The following RBFOX1 variants were observed in gnomAD, a reference collection of about 807,000 sequenced individuals.
RBFOX1 encodes RNA binding protein fox-1 homolog 1.
In RBFOX1, 8 loss-of-function variants were observed where a neutral mutation model predicts 57.7. The observed-to-expected ratio is 0.14, with a 90% confidence interval of 0.08 to 0.25. The LOEUF (loss-of-function observed/expected upper bound fraction) is 0.25, where lower values mean the gene tolerates loss of function less well. RBFOX1 is among the 10% of genes least tolerant of loss of function. RBFOX1 has a pLI of 1.00. For synonymous variants in RBFOX1, 326 were observed against 222.4 expected, an observed-to-expected ratio of 1.47 and a Z score of -4.15; for missense variants, 611 against 548.5, an observed-to-expected ratio of 1.11 and a Z score of -1.14.
At chr16:6,349,182 A>G (rs1401226886) in intron 2 of RBFOX1, among the ~76,000 whole-genome samples, 1 of 152,186 alleles carries the variant, frequency 6.6e-6, no homozygotes, top group East Asian at 1.9e-4. Flanking sequence ...AATTTTAGAC[A>G]GGTTTAGAGC....
At chr16:7,048,573 A>G (rs1440001421) in intron 3 of RBFOX1, among the ~76,000 whole-genome samples, 2 of 151,878 alleles carry the variant, frequency 1.3e-5, no homozygotes, top group African/African-American at 4.8e-5. Flanking sequence ...TTGGTTCTTT[A>G]TTATCTTTTG....
intron 4 of RBFOX1, among the ~76,000 whole-genome samples, chr16:5,989,910 C>A (rs1041309026): frequency 1.5e-5 from 2 of 137,246 alleles, no homozygotes; most frequent in Non-Finnish European, 3.2e-5. Flanking sequence ...GGAGTAACCA[C>A]CCAGGTTGGT....
Position 7,120,532 on chromosome 16 carries a change from A to T in RBFOX1, c.27+68434A>T, listed in dbSNP as rs367954380. On this transcript the variant is annotated intron_variant, in intron 4 of 15. Coordinates refer to ENST00000550418, the MANE Select transcript of RBFOX1 (RefSeq NM_018723.4). The stretch of plus-strand genomic sequence containing the variant: ...TCTATGCACATGTAGTCAACAACTT[A>T]CATGAAATAGACTAATTCCTTGACA... 2.0e-5 allele frequency among the ~76,000 whole-genome samples: 3 copies of T among 152,082 alleles called. No individual in the cohort carries two copies. The South Asian group carries it at 6.2e-4, about 31-fold the overall frequency.
At chr16:6,458,162 G>A (rs559483798) in intron 2 of RBFOX1, among the ~76,000 whole-genome samples, 1 of 152,134 alleles carries the variant, frequency 6.6e-6, no homozygotes, top group Non-Finnish European at 1.5e-5. Context: ...GTGCAAACAC[G>A]GCCCCTCCCT....
At chr16:7,456,184 G>T (rs776609218) in intron 4 of RBFOX1, among the ~76,000 whole-genome samples, 2 of 152,196 alleles carry the variant, frequency 1.3e-5, no homozygotes, top group Non-Finnish European at 2.9e-5. Context: ...GCTCTGTGGA[G>T]GGTTGATGTA....
chr16:5,990,013 C>T (rs2060364007), intron 4 of RBFOX1, among the ~76,000 whole-genome samples: 1 of 152,140 alleles, frequency 6.6e-6, no homozygotes, highest in East Asian at 1.9e-4. Flanking sequence ...TGGTTAGAGA[C>T]TGGGTCTCCC....
At chr16:7,089,221 A>C (rs541019024) in intron 4 of RBFOX1, among the ~76,000 whole-genome samples, 15 of 152,310 alleles carry the variant, frequency 9.8e-5, no homozygotes, top group Admixed American at 6.5e-4. Flanking sequence ...TTTCAGGGCA[A>C]GTTTTCTCTT....
intron 2 of RBFOX1, among the ~76,000 whole-genome samples, chr16:6,480,282 A>T (rs974086686): frequency 1.3e-5 from 2 of 152,220 alleles, no homozygotes; most frequent in Non-Finnish European, 2.9e-5. Context: ...AAAACAAGTT[A>T]TATGTATACA....
chr16:7,000,596 CTTTT>C (rs759103545), intron 3 of RBFOX1, among the ~76,000 whole-genome samples: 29 of 92,566 alleles, frequency 3.1e-4, no homozygotes, highest in Middle Eastern at 7.7e-3. Flanking sequence ...CTTTTTCTTT[CTTTT>C]TTTTTTTTTT....
At chr16:6,595,609 T>G (rs6500802) in intron 2 of RBFOX1, among the ~76,000 whole-genome samples, 128,841 of 152,118 alleles carry the variant, frequency 0.85, 55,623 homozygotes, top group Non-Finnish European at 0.94. Flanking sequence ...TGGACTCTAT[T>G]TTTAACATTT....
chr16:5,747,360 C>T (rs1283889791), intron 3 of RBFOX1, among the ~76,000 whole-genome samples: 8 of 152,154 alleles, frequency 5.3e-5, no homozygotes, highest in Non-Finnish European at 1.5e-5. Context: ...TTTGTTGTGT[C>T]TCTGCCAGGC....
chr16:7,447,099 A>G (rs151247785), intron 4 of RBFOX1, among the ~76,000 whole-genome samples: 118 of 152,090 alleles, frequency 7.8e-4, no homozygotes, highest in African/African-American at 2.7e-3. Flanking sequence ...GGCGTGAGCC[A>G]CTGTCCTCGG....
intron 3 of RBFOX1, among the ~76,000 whole-genome samples, chr16:7,011,401 G>T (rs1303019898): frequency 2.6e-5 from 4 of 152,178 alleles, no homozygotes; most frequent in African/African-American, 7.2e-5. Context: ...GAAACCAGGC[G>T]GGCTGTTTGT....
At chr16:7,003,198 C>G (rs11864226) in intron 3 of RBFOX1, among the ~76,000 whole-genome samples, 1 of 152,018 alleles carries the variant, frequency 6.6e-6, no homozygotes, top group African/African-American at 2.4e-5. Context: ...CGGTGGCTCA[C>G]GCCTGTAATC....
intron 3 of RBFOX1, among the ~76,000 whole-genome samples, chr16:5,826,261 C>G (rs1022938760): frequency 2.6e-5 from 4 of 151,802 alleles, no homozygotes; most frequent in Non-Finnish European, 4.4e-5. Context: ...CACTTTTTAT[C>G]TAACATTTAC....
In RBFOX1 at chr16:6,757,472, A is replaced by G. The variant is rs752539969; in HGVS notation, c.-16+102822A>G. Reference sequence around the variant, plus strand: ...GAATACTATTCAGCCCTGAAAAAGGATGAAATGCTGTTTGTTACAGCAACA... The same window carrying G: ...GAATACTATTCAGCCCTGAAAAAGGGTGAAATGCTGTTTGTTACAGCAACA... On this transcript the variant is annotated intron_variant, in intron 3 of 15. Coordinates refer to ENST00000550418, the MANE Select transcript of RBFOX1 (RefSeq NM_018723.4). Among the ~76,000 whole-genome samples, 89 of 152,224 alleles carry G rather than the reference A, an allele frequency of 5.8e-4. 1 individual carries two copies. Among genetic ancestry groups the G allele is most frequent in the Non-Finnish European group, 1.9e-4 (13 of 68,036 alleles).
intron 1 of RBFOX1, among the ~76,000 whole-genome samples, chr16:5,350,945 C>T (rs945139581): frequency 1.3e-4 from 20 of 152,092 alleles, no homozygotes; most frequent in African/African-American, 3.1e-4. Context: ...ATGCATGAGC[C>T]CAGCCAACTG....
At chr16:6,856,925 G>C (rs1353601450) in intron 3 of RBFOX1, among the ~76,000 whole-genome samples, 3 of 152,096 alleles carry the variant, frequency 2.0e-5, no homozygotes, top group Non-Finnish European at 4.4e-5. Context: ...AAGAGAAAGA[G>C]AAGGAAAGAA....
chr16:7,119,248 A>T (rs2066580071), intron 4 of RBFOX1, among the ~76,000 whole-genome samples: 1 of 152,138 alleles, frequency 6.6e-6, no homozygotes, highest in Non-Finnish European at 1.5e-5. Context: ...TTTTGTGTCC[A>T]TTCACATATG....
Sources: gnomAD v4.1 joint callset for allele counts (sites outside exome capture counted in the v4.1 genomes callset) on GRCh38, gnomAD v4.1.1 for gene constraint, MANE v1.5 for transcripts, NCBI Gene and HGNC (gene_info 2026-07-23, HGNC 2026-07-21) for gene names.